EPHA4: variants seen among roughly 807,000 people sequenced by gnomAD.
EPHA4 encodes the protein EPH receptor A4, also known as ephrin type-A receptor 4.
A neutral mutation model predicts 108.3 loss-of-function variants in EPHA4; 19 were observed. The observed-to-expected ratio is 0.18, with a 90% CI of 0.12 to 0.26. EPHA4 has a LOEUF of 0.26. EPHA4 is among the 10% of genes least tolerant of loss of function. EPHA4 has a pLI of 1.00. For synonymous variants in EPHA4, 449 were observed against 455.5 expected (o/e 0.99, Z 0.18); for missense variants, 917 against 1,254.0 (o/e 0.73, Z 4.06).
chr2:221,461,761 T>C (rs1691151435), intron 5 of EPHA4, among the ~76,000 whole-genome samples: 1 of 152,136 alleles, frequency 6.6e-6, no homozygotes, highest in Non-Finnish European at 1.5e-5. Context: ...TATAGTAGTC[T>C]TAAAGAAAAA....
chr2:221,450,834 C>A (rs1475425102), intron 8 of EPHA4, among the ~76,000 whole-genome samples: 1 of 152,214 alleles, frequency 6.6e-6, no homozygotes, highest in African/African-American at 2.4e-5. Context: ...TACTTTCCCT[C>A]ACTACCAAGT....
intron 5 of EPHA4, among the ~76,000 whole-genome samples, chr2:221,471,158 A>G (rs1260608624): frequency 6.6e-6 from 1 of 152,090 alleles, no homozygotes. Context: ...AATTGAGATG[A>G]CTTTTGTAGT....
intron 6 of EPHA4, among the ~76,000 whole-genome samples, chr2:221,457,336 C>T (rs1379291714): frequency 1.3e-5 from 2 of 152,086 alleles, no homozygotes; most frequent in East Asian, 1.9e-4. Context: ...AAAAATAATG[C>T]CTTTCTATAA....
chr2:221,511,534 C>CGATTTCTGTACCTCA (rs1214200148), intron 3 of EPHA4, among the ~76,000 whole-genome samples: 10 of 152,098 alleles, frequency 6.6e-5, no homozygotes, highest in Non-Finnish European at 8.8e-5. Context: ...ATGTCACTTC[C>CGATTTCTGTACCTCA]CTTTTTTGTC....
chr2:221,444,822 A>T (rs1448499958), intron 9 of EPHA4, among the ~76,000 whole-genome samples: 1 of 120,110 alleles, frequency 8.3e-6, no homozygotes, highest in Non-Finnish European at 1.6e-5. Flanking sequence ...CAGTGGTAGG[A>T]TCTTGGTTCA....
intron 11 of EPHA4, chr2:221,437,376 T>TG (rs1690273004): frequency 2.7e-6 from 1 of 371,310 alleles, no homozygotes; most frequent in African/African-American, 2.1e-5. Flanking sequence ...AAGTGGCCTC[T>TG]GGTATCCAGG....
At chr2:221,568,659 A>G in intron 2 of EPHA4, 59 bp downstream of exon 2, 1 of 1,420,576 alleles carries the variant, frequency 7.0e-7, no homozygotes, top group Non-Finnish European at 9.8e-7. Context: ...TAGGACTCTC[A>G]GAAAGTTGCT....
At chr2:221,456,569 A>T (rs1559248790) in intron 7 of EPHA4, 44 bp downstream of exon 7, 1 of 1,597,696 alleles carries the variant, frequency 6.3e-7, no homozygotes, top group Non-Finnish European at 8.6e-7. Context: ...GCTGTATTAT[A>T]AAAATAGCCT....
intron 3 of EPHA4, among the ~76,000 whole-genome samples, chr2:221,506,770 T>TA (rs1208563092): frequency 1.3e-5 from 2 of 152,178 alleles, no homozygotes; most frequent in Admixed American, 1.3e-4. Flanking sequence ...AACATTTCTG[T>TA]AAAGAGCCAG....
chr2:221,565,610 GC>G (rs1224201762), intron 2 of EPHA4, among the ~76,000 whole-genome samples: 1 of 152,094 alleles, frequency 6.6e-6, no homozygotes, highest in African/African-American at 2.4e-5. Context: ...CTATGCACTG[GC>G]AAACTCTTAA....
chr2:221,551,560 T>C (rs531233158), intron 3 of EPHA4, among the ~76,000 whole-genome samples: 98 of 152,298 alleles, frequency 6.4e-4, no homozygotes, highest in African/African-American at 2.1e-3. Flanking sequence ...GAAATTATAG[T>C]GTAGGATTCT....
intron 3 of EPHA4, among the ~76,000 whole-genome samples, chr2:221,525,675 C>T (rs986872189): frequency 6.6e-6 from 1 of 152,176 alleles, no homozygotes; most frequent in African/African-American, 2.4e-5. Context: ...TAATAAGAAA[C>T]TGCCCACAAA....
At chr2:221,510,611 A>G (rs1323282309) in intron 3 of EPHA4, among the ~76,000 whole-genome samples, 1 of 152,236 alleles carries the variant, frequency 6.6e-6, no homozygotes, top group East Asian at 1.9e-4. Context: ...TAATTCTAAA[A>G]TGTCAGATGA....
chr2:221,527,599 G>GA (rs1367844061), intron 3 of EPHA4, among the ~76,000 whole-genome samples: 5 of 152,162 alleles, frequency 3.3e-5, no homozygotes, highest in Non-Finnish European at 7.4e-5. Context: ...GGGTCTGCCC[G>GA]ACACTGGGCA....
chr2:221,509,779 G>T (rs1014993266), intron 3 of EPHA4, among the ~76,000 whole-genome samples: 1 of 152,116 alleles, frequency 6.6e-6, no homozygotes, highest in South Asian at 2.1e-4. Flanking sequence ...CAAATCAAAG[G>T]TGATTTTCTG....
chr2:221,485,371 G>T (rs974620029), intron 4 of EPHA4, among the ~76,000 whole-genome samples: 4 of 152,206 alleles, frequency 2.6e-5, no homozygotes, highest in Admixed American at 2.0e-4. Flanking sequence ...CTTCCTGTGG[G>T]CAGCGATTCT....
chr2:221,518,340 C>T (rs552622665), intron 3 of EPHA4, among the ~76,000 whole-genome samples: 3 of 152,246 alleles, frequency 2.0e-5, no homozygotes, highest in African/African-American at 4.8e-5. Flanking sequence ...CCCTAGACCC[C>T]GCTCTTTACC....
chr2:221,425,053 G>A (rs928856899), intron 17 of EPHA4, among the ~76,000 whole-genome samples, 156 bp downstream of exon 17: 9 of 150,584 alleles, frequency 6.0e-5, no homozygotes, highest in South Asian at 2.1e-4. Flanking sequence ...CTCCTCTTTC[G>A]CTGTCAAAAA....
chr2:221,531,596 A>C (rs73994273), intron 3 of EPHA4, among the ~76,000 whole-genome samples: 2 of 152,112 alleles, frequency 1.3e-5, no homozygotes, highest in East Asian at 3.9e-4. Flanking sequence ...TTTTCATCTC[A>C]GGGCTGATTC....
Sources: allele counts gnomAD v4.1 joint callset (sites outside exome capture counted in the v4.1 genomes callset), GRCh38; gene constraint gnomAD v4.1.1; transcripts MANE v1.5; gene names NCBI Gene and HGNC (gene_info 2026-07-23, HGNC 2026-07-21).